IKBKB: variants seen among roughly 807,000 people sequenced by gnomAD.
IKBKB encodes inhibitor of nuclear factor kappa B kinase subunit beta.
IKBKB carries 42 observed loss-of-function variants against 113.6 expected under a neutral mutation model. The observed-to-expected ratio is 0.37, with a 90% CI of 0.29 to 0.48. IKBKB has a LOEUF of 0.48. Ranked by LOEUF, IKBKB falls within the 20% of genes least tolerant of loss-of-function variation. IKBKB has a pLI of 0.99. For synonymous variants in IKBKB, 296 were observed against 361.3 expected, an observed-to-expected ratio of 0.82 and a Z score of 2.05; for missense variants, 673 against 939.7, an observed-to-expected ratio of 0.72 and a Z score of 3.71.
chr8:42,295,755 A>G (rs1813652729), intron 5 of IKBKB, among the ~76,000 whole-genome samples: 1 of 151,996 alleles, frequency 6.6e-6, no homozygotes, highest in Non-Finnish European at 1.5e-5. Context: ...GCACAAGTGC[A>G]CATAACTCTC....
intron 2 of IKBKB, among the ~76,000 whole-genome samples, chr8:42,277,244 T>G (rs1222149675): frequency 2.1e-5 from 3 of 143,742 alleles, no homozygotes; most frequent in African/African-American, 2.6e-5. Flanking sequence ...GTGCAGTGGC[T>G]TGATCTCGGC....
chr8:42,329,718 C>G, intron 21 of IKBKB: 1 of 985,384 alleles, frequency 1.0e-6, no homozygotes, highest in South Asian at 4.7e-5. Context: ...GAGTGCTGGG[C>G]TGGGAGCAGG....
At chr8:42,276,679 C>G (rs949123176) in intron 2 of IKBKB, among the ~76,000 whole-genome samples, 1 of 150,498 alleles carries the variant, frequency 6.6e-6, no homozygotes, top group Admixed American at 6.6e-5. Flanking sequence ...TTTCCCAGAC[C>G]AATGCCCTGA....
At chr8:42,317,239 T>C (rs1260711024) in intron 11 of IKBKB, 1 of 443,732 alleles carries the variant, frequency 2.3e-6, no homozygotes, top group African/African-American at 2.0e-5. Context: ...ATGCTGCACT[T>C]TCTTGAGTCA....
intron 5 of IKBKB, among the ~76,000 whole-genome samples, chr8:42,293,821 G>A (rs560815590): frequency 3.9e-5 from 6 of 152,300 alleles, no homozygotes; most frequent in African/African-American, 9.6e-5. Flanking sequence ...AATGGCCGGC[G>A]CTGGAATAAG....
At chr8:42,314,647 C>T (rs1181989937) in intron 9 of IKBKB, among the ~76,000 whole-genome samples, 1 of 151,826 alleles carries the variant, frequency 6.6e-6, no homozygotes, top group East Asian at 1.9e-4. Flanking sequence ...TGGTAGCACG[C>T]ACCTGTAATC....
At chr8:42,299,973 C>T (rs1297383556) in intron 5 of IKBKB, among the ~76,000 whole-genome samples, 2 of 152,208 alleles carry the variant, frequency 1.3e-5, no homozygotes, top group South Asian at 2.1e-4. Context: ...GGCCAGTTGA[C>T]CAGACTGTGC....
At position 42,316,703 on chromosome 8, in the gene IKBKB, G is replaced by A. The variant is rs746175474; in HGVS notation, c.931-7G>A. ...GGTTTTCCAGTAACATCTGGGTTGT[G>A]TTGCAGCTGGTTCATATCTTGAACA... is the stretch of plus-strand genomic sequence containing the variant. On this transcript the variant is annotated splice_region_variant and splice_polypyrimidine_tract_variant and intron_variant, in intron 10 of 21. Coordinates refer to ENST00000520810, the MANE Select transcript of IKBKB (RefSeq NM_001556.3). The surrounding 1 kb of genome is among the most constrained non-coding windows in gnomAD (Gnocchi z 4.5). 14 of 1,608,082 alleles carry A rather than the reference G, an allele frequency of 8.7e-6. No homozygotes were observed. In the East Asian group the frequency reaches 3.1e-4, roughly 36 times the overall value.
At chr8:42,277,148 C>T (rs1338983587) in intron 2 of IKBKB, among the ~76,000 whole-genome samples, 3 of 148,600 alleles carry the variant, frequency 2.0e-5, no homozygotes, top group Non-Finnish European at 4.4e-5. Flanking sequence ...GGATTACAGG[C>T]GTGAGCCACC....
Position 42,331,185 on chromosome 8 carries a change from G to T in IKBKB, c.*206G>T, listed in dbSNP as rs929074188. 1.7e-5 allele frequency: 14 copies of T among 828,634 alleles called. No homozygotes were observed. Among genetic ancestry groups the T allele is most frequent in the Non-Finnish European group, 2.6e-5 (13 of 502,238 alleles). 51.3% of individuals were successfully genotyped at this position (828,634 alleles called of 1,614,324 possible). On this transcript the variant is annotated 3_prime_UTR_variant, in exon 22 of 22. Transcript: ENST00000520810. ...TGGAGCTCTCGCTTCCTCAGCAGCT[G>T]TGACTTTCACCCAGGACCCAGGACG...
At chr8:42,278,714 A>AG (rs11396888) in intron 2 of IKBKB, among the ~76,000 whole-genome samples, 152,249 of 152,252 alleles carry the variant, frequency 1, 76,123 homozygotes, top group Middle Eastern at 1. Context: ...AGAGATATTT[A>AG]GCCTGGTGCA....
intron 2 of IKBKB, among the ~76,000 whole-genome samples, chr8:42,277,144 C>T (rs755601756): frequency 6.7e-6 from 1 of 150,374 alleles, no homozygotes; most frequent in Non-Finnish European, 1.5e-5. Context: ...GCTGGGATTA[C>T]AGGCGTGAGC....
At chr8:42,310,304 G>T (rs1050894466) in intron 8 of IKBKB, among the ~76,000 whole-genome samples, 4 of 152,162 alleles carry the variant, frequency 2.6e-5, no homozygotes, top group Non-Finnish European at 5.9e-5. Context: ...AAGGGAGTAT[G>T]CAGTGAAGTC....
In IKBKB at chr8:42,271,381, G is replaced by C. The variant is rs201028246; in HGVS notation, c.-107G>C. Reference sequence around the variant, plus strand: ...GATTCCCGCATTTTAATGTTTTCAGGGGGGTGTCATAGCCCCGGGTTTGGC... The same window carrying C: ...GATTCCCGCATTTTAATGTTTTCAGCGGGGTGTCATAGCCCCGGGTTTGGC... On this transcript the variant is annotated 5_prime_UTR_variant, in exon 1 of 22. Transcript: ENST00000520810. The C allele has an allele frequency of 1.2e-3, 1,857 of 1,510,110 alleles. 3 individuals carry two copies. The highest frequency in any genetic ancestry group is 3.1e-3 in the South Asian group (258 of 83,568). 93.5% of individuals were successfully genotyped at this position (1,510,110 alleles called of 1,614,324 possible).
At chr8:42,312,294 T>A (rs1170717569) in intron 8 of IKBKB, among the ~76,000 whole-genome samples, 6 of 152,178 alleles carry the variant, frequency 3.9e-5, no homozygotes, top group Non-Finnish European at 8.8e-5. Context: ...GAAGAACAGG[T>A]GCTTTTTGAA....
intron 20 of IKBKB, among the ~76,000 whole-genome samples, chr8:42,327,618 C>T (rs945014927): frequency 6.6e-6 from 1 of 150,904 alleles, no homozygotes; most frequent in Non-Finnish European, 1.5e-5. Context: ...CAGGCATGAG[C>T]CACTGCACCC....
intron 2 of IKBKB, among the ~76,000 whole-genome samples, chr8:42,274,888 G>GT (rs1808741138): frequency 7.5e-6 from 1 of 132,830 alleles, no homozygotes; most frequent in Non-Finnish European, 1.6e-5. Context: ...TGTTTGTTTT[G>GT]TTTTTTGAGA....
chr8:42,272,502 T>C (rs1808000545), intron 2 of IKBKB: 1 of 469,420 alleles, frequency 2.1e-6, no homozygotes, highest in Non-Finnish European at 3.7e-6. Flanking sequence ...ACTGATATTA[T>C]ATGTTATAAA....
chr8:42,277,201 GCA>G (rs1809346630), intron 2 of IKBKB, among the ~76,000 whole-genome samples: 1 of 62,676 alleles, frequency 1.6e-5, no homozygotes. Context: ...TTTTTTTTTT[GCA>G]ACGGAGTCAC....
Sources: allele counts gnomAD v4.1 joint callset (sites outside exome capture counted in the v4.1 genomes callset), GRCh38; gene constraint gnomAD v4.1.1; non-coding constraint Gnocchi (gnomAD v3.1); transcripts MANE v1.5; gene names NCBI Gene and HGNC (gene_info 2026-07-23, HGNC 2026-07-21).